The following WWTR1 variants were observed in gnomAD, a reference collection of about 807,000 sequenced individuals.
WWTR1 encodes the protein WW domain-containing transcription regulator protein 1.
WWTR1 carries 13 observed loss-of-function variants against 40.1 expected under a neutral mutation model. The ratio of observed to expected loss-of-function variants is 0.32; its 90% CI spans 0.21 to 0.52. The LOEUF (loss-of-function observed/expected upper bound fraction) is 0.52. Among genes scored for constraint, WWTR1 ranks in the 20% least tolerant of loss-of-function variants. The pLI, the probability that WWTR1 is intolerant of heterozygous loss-of-function variation, is 0.97. For missense variants in WWTR1, 436 were observed against 523.1 expected, an observed-to-expected ratio of 0.83 and a Z score of 1.63; for synonymous variants, 230 against 210.1, an observed-to-expected ratio of 1.09 and a Z score of -0.82.
chr3:149,589,409 C>A (rs146036540), intron 2 of WWTR1, among the ~76,000 whole-genome samples: 3 of 152,134 alleles, frequency 2.0e-5, no homozygotes, highest in Non-Finnish European at 4.4e-5. Flanking sequence ...CATTTTTAAC[C>A]CCCACGTTAA....
chr3:149,557,807 A>C (rs1164515994), intron 3 of WWTR1, among the ~76,000 whole-genome samples: 2 of 152,028 alleles, frequency 1.3e-5, no homozygotes, highest in African/African-American at 4.8e-5. Flanking sequence ...GTTCAAGACC[A>C]GCCTGGCCAA....
intron 6 of WWTR1, among the ~76,000 whole-genome samples, chr3:149,525,228 C>T (rs975089010): frequency 1.3e-5 from 2 of 152,038 alleles, no homozygotes; most frequent in African/African-American, 2.4e-5. Context: ...CTCAGCATTC[C>T]AAATACCCAC....
chr3:149,542,759 T>A (rs933917225), intron 3 of WWTR1, among the ~76,000 whole-genome samples: 1 of 152,210 alleles, frequency 6.6e-6, no homozygotes, highest in Non-Finnish European at 1.5e-5. Flanking sequence ...GGCTTTTGTT[T>A]CTGTTAAAAT....
At chr3:149,696,572 C>G (rs138694618) in intron 1 of WWTR1, among the ~76,000 whole-genome samples, 253 of 152,318 alleles carry the variant, frequency 1.7e-3, no homozygotes, top group Non-Finnish European at 2.9e-3. Flanking sequence ...GTTCTGCTAT[C>G]AGGAAACAAC....
rs2107890166 is a variant in WWTR1, at chr3:149,519,028, C to G, written c.*1777G>C. 6.6e-6 allele frequency: 1 copy of G among 151,960 alleles called. No individual in the cohort carries two copies. Among genetic ancestry groups the G allele is most frequent in the Non-Finnish European group, 1.5e-5 (1 of 67,978 alleles). The allele number at this position is 151,960 out of a possible 1,614,324, so 9.4% of individuals were successfully genotyped here. A position where few individuals can be genotyped will look rare whatever the true frequency, so the allele number is the denominator to read the frequency against. On this transcript the variant is annotated 3_prime_UTR_variant, in exon 7 of 7. Transcript: ENST00000360632. ...TCAAAAGGAATCTTATTTAAGATCC[C>G]CAACAAATAAGTCCCCCATGGAAAT...
At chr3:149,632,405 G>A (rs2108109933) in intron 2 of WWTR1, among the ~76,000 whole-genome samples, 1 of 152,230 alleles carries the variant, frequency 6.6e-6, no homozygotes, top group African/African-American at 2.4e-5. Flanking sequence ...TTATGTGGCA[G>A]ATCCATGATT....
intron 2 of WWTR1, among the ~76,000 whole-genome samples, chr3:149,645,290 A>G (rs570436533): frequency 5.5e-4 from 84 of 151,464 alleles, no homozygotes; most frequent in African/African-American, 2.0e-3. Context: ...CGTGTTAGCC[A>G]GGATGGTCTT....
intron 3 of WWTR1, among the ~76,000 whole-genome samples, chr3:149,561,037 T>C (rs1249097167): frequency 6.6e-6 from 1 of 152,008 alleles, no homozygotes; most frequent in African/African-American, 2.4e-5. Flanking sequence ...GTCAAAATTG[T>C]ATTTTTTAAG....
chr3:149,668,393 G>A (rs538303649), intron 2 of WWTR1, among the ~76,000 whole-genome samples: 1 of 152,054 alleles, frequency 6.6e-6, no homozygotes, highest in Non-Finnish European at 1.5e-5. Flanking sequence ...GATCACCTGA[G>A]GTCAGGAGTT....
intron 3 of WWTR1, among the ~76,000 whole-genome samples, chr3:149,565,756 ACAAAATTAGCCAGGCATGGTGG>A (rs758858581): frequency 2.6e-5 from 4 of 151,604 alleles, no homozygotes; most frequent in Non-Finnish European, 5.9e-5. Flanking sequence ...TACTAAAAAT[ACAAAATTAGCCAGGCATGGTGG>A]CACATGCCTG....
intron 3 of WWTR1, among the ~76,000 whole-genome samples, chr3:149,546,512 G>A (rs889553442): frequency 6.6e-6 from 1 of 152,184 alleles, no homozygotes; most frequent in African/African-American, 2.4e-5. Flanking sequence ...GGCATGTTAT[G>A]CATGTGCAGC....
At chr3:149,692,738 A>G (rs1409170265) in intron 1 of WWTR1, among the ~76,000 whole-genome samples, 2 of 151,984 alleles carry the variant, frequency 1.3e-5, no homozygotes, top group Admixed American at 6.6e-5. Flanking sequence ...GGTTCAAGCG[A>G]TTTTCCTGCC....
chr3:149,655,483 C>A (rs1013102594), intron 2 of WWTR1, among the ~76,000 whole-genome samples: 3 of 151,476 alleles, frequency 2.0e-5, no homozygotes, highest in African/African-American at 7.3e-5. Flanking sequence ...CAACAAAAGT[C>A]ATGTTATTAC....
intron 5 of WWTR1, among the ~76,000 whole-genome samples, chr3:149,708,374 A>G (rs1380921068): frequency 6.6e-6 from 1 of 152,182 alleles, no homozygotes; most frequent in Non-Finnish European, 1.5e-5. Context: ...ACAGTTCAGT[A>G]GTACTAAGTA....
intron 2 of WWTR1, among the ~76,000 whole-genome samples, chr3:149,651,829 C>CTTTTTTT (rs764013293): frequency 1.7e-5 from 2 of 117,998 alleles, no homozygotes; most frequent in Non-Finnish European, 3.4e-5. Flanking sequence ...TATGGATTTT[C>CTTTTTTT]TTTTTTTTTT....
At chr3:149,657,405 TA>T in intron 1 of WWTR1, 96 bp from the exon 2 acceptor site, 1 of 1,373,618 alleles carries the variant, frequency 7.3e-7, no homozygotes, top group Non-Finnish European at 9.7e-7. Context: ...GGAGAAAGAA[TA>T]GAGGGAAAAG....
chr3:149,546,095 T>G (rs761380436), intron 3 of WWTR1, among the ~76,000 whole-genome samples: 1 of 152,178 alleles, frequency 6.6e-6, no homozygotes, highest in East Asian at 1.9e-4. Flanking sequence ...CCAAGCCACA[T>G]CTATGTGAGT....
At chr3:149,567,857 G>A (rs1448937406) in intron 3 of WWTR1, among the ~76,000 whole-genome samples, 1 of 152,098 alleles carries the variant, frequency 6.6e-6, no homozygotes, top group Non-Finnish European at 1.5e-5. Context: ...CTGACTTCAA[G>A]TTCTTCCAAA....
intron 2 of WWTR1, 35 bp downstream of exon 2, chr3:149,656,841 G>C (rs1198514039): frequency 4.0e-6 from 6 of 1,497,998 alleles, no homozygotes; most frequent in Non-Finnish European, 5.3e-6. Flanking sequence ...TGGGCACTGT[G>C]ACTTGGTGCC....
Sources: allele counts gnomAD v4.1 joint callset (sites outside exome capture counted in the v4.1 genomes callset), GRCh38; gene constraint gnomAD v4.1.1; transcripts MANE v1.5; gene names NCBI Gene and HGNC (gene_info 2026-07-23, HGNC 2026-07-21).